The following NXPH4 variants were observed in gnomAD, a reference collection of about 807,000 sequenced individuals.
NXPH4 encodes neurexophilin-4.
NXPH4 carries 8 observed loss-of-function variants against 21.3 expected under a neutral mutation model. The observed-to-expected ratio is 0.38, with a 90% CI of 0.22 to 0.68. The LOEUF (loss-of-function observed/expected upper bound fraction) is 0.68. NXPH4 is among the 30% of genes least tolerant of loss of function. The pLI is 0.53. For missense variants in NXPH4, 418 were observed against 416.8 expected, an observed-to-expected ratio of 1.00 and a Z score of -0.03; for synonymous variants, 219 against 192.6, an observed-to-expected ratio of 1.14 and a Z score of -1.13.
rs2037042146 is a variant in NXPH4, at chr12:57,216,836, GC to G, written c.-132del. On this transcript the variant is annotated 5_prime_UTR_variant, in exon 1 of 2. Coordinates refer to ENST00000349394, the MANE Select transcript of NXPH4 (RefSeq NM_007224.4). The surrounding 1 kb of genome is among the most constrained non-coding windows in gnomAD (Gnocchi z 5.3). ...TCGCGCCCAGTCCGCGGGCCGCGCC[GC>G]CGCTCCCGCCGCTCCCGCCGCTCCC... The G allele has an allele frequency of 5.6e-4, 1 of 1,776 alleles. No homozygotes were observed. Among genetic ancestry groups the G allele is most frequent in the African/African-American group, 8.1e-4 (1 of 1,232 alleles). The allele number at this position is 1,776 out of a possible 1,614,324, so 0.1% of individuals were successfully genotyped here.
chr12:57,218,678 G>A (rs2037061690), intron 1 of NXPH4, among the ~76,000 whole-genome samples: 1 of 152,372 alleles, frequency 6.6e-6, no homozygotes, highest in East Asian at 1.9e-4. Flanking sequence ...GTGTGTGTGA[G>A]CTGCAGCTGT....
In NXPH4 at chr12:57,216,938, G is replaced by T. The variant is rs780192230; in HGVS notation, c.-32G>T. 6.5e-7 allele frequency: 1 copy of T among 1,539,204 alleles called. No individual in the cohort carries two copies. Among genetic ancestry groups the T allele is most frequent in the East Asian group, 2.6e-5 (1 of 38,560 alleles). ...CCTGGCTCCCGCCTGCCCGAGACCC[G>T]CCCAGCCTGCCCCGCTCAGCCGCCA... On this transcript the variant is annotated 5_prime_UTR_variant, in exon 1 of 2. Transcript: ENST00000349394. This position sits in a 1 kb window ranked among gnomAD's most constrained non-coding sequence, Gnocchi z 5.3.
rs191357266 is a variant in NXPH4 at position 57,222,492 on chromosome 12, C to T, written c.58-2386C>T. 6.2e-4 allele frequency among the ~76,000 whole-genome samples: 94 copies of T among 152,254 alleles called. No homozygotes were observed. The Middle Eastern group carries it at 0.01, about 17-fold the overall frequency. ...GAGATGGCTTGGAGGCATTTGGGGT[C>T]ATAACATCTGATGGCATGGGGATAG... On this transcript the variant is annotated intron_variant, in intron 1 of 1. Coordinates refer to ENST00000349394, the MANE Select transcript of NXPH4 (RefSeq NM_007224.4).
chr12:57,225,587 T>C lies in NXPH4; in HGVS notation c.767T>C (p.Val256Ala). ...HRPCLYDPSQ[V>A]CFTEHTQSQA... Reference sequence around the variant, plus strand: ...CCGTGCCTGTACGACCCGTCGCAGGTGTGCTTCACCGAGCACACGCAGAGC... The same window carrying C: ...CCGTGCCTGTACGACCCGTCGCAGGCGTGCTTCACCGAGCACACGCAGAGC... The change falls in exon 2 of 2, where the codon GTG becomes GCG. Residue 256 changes from valine (V) to alanine (A), a missense_variant. Transcript: ENST00000349394. 1 of 1,613,396 alleles carries C rather than the reference T, an allele frequency of 6.2e-7. No homozygotes were observed.
At chr12:57,220,999 C>A (rs2037085991) in intron 1 of NXPH4, among the ~76,000 whole-genome samples, 1 of 152,042 alleles carries the variant, frequency 6.6e-6, no homozygotes, top group Non-Finnish European at 1.5e-5. Flanking sequence ...GGTCCTTACC[C>A]CATCCACATC....
intron 1 of NXPH4, chr12:57,221,227 A>C: frequency 2.4e-6 from 1 of 413,826 alleles, no homozygotes; most frequent in Non-Finnish European, 5.0e-6. Context: ...TCCCAGCCAG[A>C]CTCCACCGGC....
chr12:57,217,010 C>T lies in NXPH4; in HGVS notation c.41C>T (p.Pro14Leu), dbSNP rs753611581. 1.9e-6 allele frequency: 3 copies of T among 1,606,784 alleles called. No homozygotes were observed. The highest frequency in any genetic ancestry group is 2.7e-5 in the African/African-American group (2 of 74,442). ...GAATGGTTCCTCTTGCTCTTTGGCC[C>T]GTGGCTCCTTAGGAAGGTAAGAGTG... Reference protein sequence around the residue: ...LPEWFLLLFGPWLLRKAVSAQ... With the variant: ...LPEWFLLLFGLWLLRKAVSAQ... The change falls in exon 1 of 2, where the codon CCG (proline) becomes CTG (leucine). Residue 14 changes from proline to leucine, a missense_variant. Transcript: ENST00000349394.
intron 1 of NXPH4, among the ~76,000 whole-genome samples, 173 bp from the exon 2 acceptor site, chr12:57,224,705 A>G (rs2037124273): frequency 6.6e-6 from 1 of 152,220 alleles, no homozygotes; most frequent in Non-Finnish European, 1.5e-5. Flanking sequence ...CCAAGACTAC[A>G]TAGCTTGAAA....
At chr12:57,221,186 C>G (rs1398493717) in intron 1 of NXPH4, 1 of 376,564 alleles carries the variant, frequency 2.7e-6, no homozygotes, top group Non-Finnish European at 5.5e-6. Context: ...TCCACCCCAC[C>G]TCTCTCCTCA....
In NXPH4 at chr12:57,225,829, C is replaced by T. The variant is rs1182773746; in HGVS notation, c.*82C>T. 5 of 1,531,788 alleles carry T rather than the reference C, an allele frequency of 3.3e-6. No individual in the cohort carries two copies. Among genetic ancestry groups the T allele is most frequent in the Non-Finnish European group, 4.4e-6 (5 of 1,139,602 alleles). The allele number at this position is 1,531,788 out of a possible 1,614,324, so 94.9% of individuals were successfully genotyped here. ...ACCCCCTTCCCAGTGTTCTGCCGCT[C>T]CTGTGGCCATGTCGCCCACTCCTTC... On this transcript the variant is annotated 3_prime_UTR_variant, in exon 2 of 2. Transcript: ENST00000349394.
At chr12:57,220,639 G>A (rs1358827104) in intron 1 of NXPH4, among the ~76,000 whole-genome samples, 1 of 152,042 alleles carries the variant, frequency 6.6e-6, no homozygotes, top group African/African-American at 2.4e-5. Context: ...GGAAAGAGGT[G>A]TCTTCGCTTC....
intron 1 of NXPH4, chr12:57,221,200 A>G: frequency 2.6e-6 from 1 of 382,192 alleles, no homozygotes; most frequent in South Asian, 1.8e-5. Context: ...CTCCTCACCC[A>G]CATCTCTATC....
At chr12:57,221,427 G>T in intron 1 of NXPH4, 2 of 444,618 alleles carry the variant, frequency 4.5e-6, no homozygotes, top group Middle Eastern at 8.7e-4. Context: ...CTGCAATGCG[G>T]CTGGGGGGCT....
chr12:57,217,040 G>C lies in NXPH4; in HGVS notation c.57+14G>C. On this transcript the variant is annotated intron_variant, in intron 1 of 1. Coordinates refer to ENST00000349394, the MANE Select transcript of NXPH4 (RefSeq NM_007224.4). ...CTCCTTAGGAAGGTAAGAGTGGCAGGGCTGGGGCGCTAGCGCGGGCGCGGG... is the reference window on the plus strand; with the variant it reads ...CTCCTTAGGAAGGTAAGAGTGGCAGCGCTGGGGCGCTAGCGCGGGCGCGGG... The C allele has an allele frequency of 1.3e-6, 2 of 1,594,474 alleles. No homozygotes were observed. The highest frequency in any genetic ancestry group is 1.7e-6 in the Non-Finnish European group (2 of 1,170,936).
At chr12:57,222,911 G>A (rs1017182672) in intron 1 of NXPH4, among the ~76,000 whole-genome samples, 1 of 152,198 alleles carries the variant, frequency 6.6e-6, no homozygotes, top group African/African-American at 2.4e-5. Context: ...GGATCGCAGC[G>A]TGGCGGGGAC....
At chr12:57,220,336 C>T (rs2037078949) in intron 1 of NXPH4, among the ~76,000 whole-genome samples, 2 of 152,260 alleles carry the variant, frequency 1.3e-5, no homozygotes, top group South Asian at 2.1e-4. Flanking sequence ...CCAACCCCCA[C>T]CGCGCCCCGG....
chr12:57,225,044 G>C lies in NXPH4; in HGVS notation c.224G>C (p.Gly75Ala), dbSNP rs1357087131. The change falls in exon 2 of 2, where the codon GGG (glycine) becomes GCG (alanine). Residue 75 changes from glycine (G) to alanine (A), a missense_variant. Coordinates refer to ENST00000349394, the MANE Select transcript of NXPH4 (RefSeq NM_007224.4). ...WSWAWPTNHT[G>A]ALARAGAAGA... ...TGGGCCTGGCCGACCAACCACACGG[G>C]GGCGCTGGCCCGGGCAGGGGCAGCC... The C allele has an allele frequency of 6.8e-7, 1 of 1,480,714 alleles. No individual in the cohort carries two copies. The highest frequency in any genetic ancestry group is 2.4e-5 in the Admixed American group (1 of 41,070). 91.7% of individuals were successfully genotyped at this position (1,480,714 alleles called of 1,614,324 possible). A position where few individuals can be genotyped will look rare whatever the true frequency, so the allele number is the denominator to read the frequency against.
intron 1 of NXPH4, among the ~76,000 whole-genome samples, chr12:57,222,997 C>T (rs1054079097): frequency 1.3e-5 from 2 of 152,254 alleles, no homozygotes; most frequent in African/African-American, 4.8e-5. Context: ...TGTGTGTGTA[C>T]ACATGGGTGT....
At position 57,216,826 on chromosome 12, in the gene NXPH4, G is replaced by T. The variant is rs1354321113; in HGVS notation, c.-144G>T. The T allele has an allele frequency of 1.5e-5, 4 of 272,876 alleles. No individual in the cohort carries two copies. The highest frequency in any genetic ancestry group is 7.7e-5 in the African/African-American group (2 of 25,860). The allele number at this position is 272,876 out of a possible 1,614,324, so 16.9% of individuals were successfully genotyped here. A position where few individuals can be genotyped will look rare whatever the true frequency, so the allele number is the denominator to read the frequency against. Reference sequence around the variant, plus strand: ...GCTCCGCGCCTCGCGCCCAGTCCGCGGGCCGCGCCGCCGCTCCCGCCGCTC... The same window carrying T: ...GCTCCGCGCCTCGCGCCCAGTCCGCTGGCCGCGCCGCCGCTCCCGCCGCTC... On this transcript the variant is annotated 5_prime_UTR_variant, in exon 1 of 2. Coordinates refer to ENST00000349394, the MANE Select transcript of NXPH4 (RefSeq NM_007224.4). The surrounding 1 kb of genome is among the most constrained non-coding windows in gnomAD (Gnocchi z 5.3).
Sources: allele counts gnomAD v4.1 joint callset (sites outside exome capture counted in the v4.1 genomes callset), GRCh38; gene constraint gnomAD v4.1.1; non-coding constraint Gnocchi (gnomAD v3.1); transcripts MANE v1.5; gene names NCBI Gene and HGNC (gene_info 2026-07-23, HGNC 2026-07-21).